The following MYOF variants were observed in gnomAD, a reference collection of about 807,000 sequenced individuals.
The protein encoded by MYOF is myoferlin.
Under a neutral mutation model 284.2 loss-of-function variants are expected in MYOF, and 244 were observed. The ratio of observed to expected loss-of-function variants is 0.86; its 90% CI spans 0.77 to 0.95. The LOEUF is 0.95. MYOF is among the 40% of genes least tolerant of loss of function. The pLI, the probability that MYOF is intolerant of heterozygous loss-of-function variation, is 0.00. For missense variants in MYOF, 2,496 were observed against 2,560.6 expected (o/e 0.97, Z 0.54); for synonymous variants, 904 against 919.7 (o/e 0.98, Z 0.31).
At chr10:93,316,044 G>A (rs1383541689) in intron 50 of MYOF, among the ~76,000 whole-genome samples, 3 of 151,982 alleles carry the variant, frequency 2.0e-5, no homozygotes, top group African/African-American at 4.8e-5. Context: ...AGGATTTCTC[G>A]AACCCAGGAG....
At chr10:93,470,083 G>A in intron 1 of MYOF, among the ~76,000 whole-genome samples, 1 of 151,762 alleles carries the variant, frequency 6.6e-6, no homozygotes, top group Non-Finnish European at 1.5e-5. Flanking sequence ...ACAAAAATTA[G>A]CCAAGCATGA....
At chr10:93,324,798 G>C (rs1011573533) in intron 46 of MYOF, among the ~76,000 whole-genome samples, 2 of 149,890 alleles carry the variant, frequency 1.3e-5, no homozygotes, top group Middle Eastern at 3.4e-3. Context: ...TTTTTTTTGT[G>C]AGACAGAGTC....
In MYOF at chr10:93,349,986, AAG is replaced by A. The variant is rs1844428658; in HGVS notation, c.3922-19_3922-18del. ...AGCTAGAATCTATGAAAACGATTTA[AAG>A]AGAGGGGAAGGTAACTCAGCACTTT... On this transcript the variant is annotated intron_variant, in intron 35 of 53. Coordinates refer to ENST00000359263, the MANE Select transcript of MYOF (RefSeq NM_013451.4). 8 of 1,609,898 alleles carry A rather than the reference AAG, an allele frequency of 5.0e-6. No individual in the cohort carries two copies. Among genetic ancestry groups the A allele is most frequent in the African/African-American group, 1.3e-5 (1 of 74,688 alleles).
At chr10:93,465,108 T>A (rs2134361379) in intron 1 of MYOF, among the ~76,000 whole-genome samples, 1 of 152,314 alleles carries the variant, frequency 6.6e-6, no homozygotes, top group African/African-American at 2.4e-5. Flanking sequence ...AGATAAATTC[T>A]ATTATGATCA....
In MYOF at chr10:93,337,865, C is replaced by A. The variant is rs757500620; in HGVS notation, c.4387G>T (p.Glu1463Ter). 62 of 1,613,928 alleles carry A rather than the reference C, an allele frequency of 3.8e-5. No individual in the cohort carries two copies. The highest frequency in any genetic ancestry group is 5.3e-5 in the Non-Finnish European group (62 of 1,180,004). Reference sequence around the variant, plus strand: ...ATATACTGTCCGCATTTTTCATGTTCCCCTGAGGAAGCATAAAATTTACTC... The same window carrying A: ...ATATACTGTCCGCATTTTTCATGTTACCCTGAGGAAGCATAAAATTTACTC... ...WWSKFYASSG[E>*]HEKCGQYIQK... Residue 1463 changes from glutamate (E) to a stop codon, truncating the protein, a stop_gained, in exon 40 of 54, where the codon GAA (glutamate) becomes TAA (stop). Coordinates refer to ENST00000359263, the MANE Select transcript of MYOF (RefSeq NM_013451.4). LOFTEE classifies it high-confidence loss of function.
At chr10:93,325,325 T>C (rs1589388757) in intron 46 of MYOF, among the ~76,000 whole-genome samples, 1 of 152,204 alleles carries the variant, frequency 6.6e-6, no homozygotes, top group Non-Finnish European at 1.5e-5. Flanking sequence ...CTCGCCTCCC[T>C]GATACTGTAG....
At chr10:93,404,126 G>A (rs56041929) in intron 8 of MYOF, 31 bp downstream of exon 8, 155,667 of 1,613,446 alleles carry the variant, frequency 0.096, 8,034 homozygotes, top group African/African-American at 0.13. Context: ...GGCAGTGAGT[G>A]AGCAGTACCT....
chr10:93,331,125 A>G (rs1394873334), intron 43 of MYOF, among the ~76,000 whole-genome samples: 2 of 152,126 alleles, frequency 1.3e-5, no homozygotes, highest in Admixed American at 6.5e-5. Context: ...ATCAATTAAT[A>G]TCCTGTGGAA....
chr10:93,470,496 G>T (rs2057120652), intron 1 of MYOF, among the ~76,000 whole-genome samples: 1 of 151,954 alleles, frequency 6.6e-6, no homozygotes, highest in Admixed American at 6.6e-5. Context: ...TGTCTCCCAG[G>T]TTCGAGCCAT....
chr10:93,363,097 C>CA (rs1845153728), intron 27 of MYOF, among the ~76,000 whole-genome samples: 3 of 152,102 alleles, frequency 2.0e-5, no homozygotes, highest in African/African-American at 7.2e-5. Flanking sequence ...AAACATTCTG[C>CA]AACCATTTTT....
intron 16 of MYOF, among the ~76,000 whole-genome samples, chr10:93,394,427 C>A (rs888387614): frequency 5.6e-5 from 7 of 124,340 alleles, no homozygotes; most frequent in African/African-American, 2.1e-4. Flanking sequence ...TGTACTATAT[C>A]TCCTTTGGTC....
chr10:93,325,766 AC>A, intron 46 of MYOF, 59 bp downstream of exon 46: 1 of 1,539,588 alleles, frequency 6.5e-7, no homozygotes, highest in Non-Finnish European at 8.8e-7. Context: ...AAAAATGTCA[AC>A]TACTGCCATT....
At chr10:93,321,412 CTTTTTT>C (rs35765868) in intron 48 of MYOF, among the ~76,000 whole-genome samples, 171 of 121,178 alleles carry the variant, frequency 1.4e-3, no homozygotes, top group African/African-American at 4.6e-3. Context: ...GACTATTAAC[CTTTTTT>C]TTTTTTTTTT....
intron 1 of MYOF, among the ~76,000 whole-genome samples, chr10:93,464,179 G>A (rs942773034): frequency 6.6e-6 from 1 of 152,174 alleles, no homozygotes; most frequent in South Asian, 2.1e-4. Context: ...TCTGCCTCTA[G>A]ACTCTAACAT....
Position 93,394,015 on chromosome 10 carries a change from T to TC in MYOF, c.1418-1061dup, listed in dbSNP as rs531671805. Among the ~76,000 whole-genome samples the TC allele has an allele frequency of 4.4e-3, 668 of 152,372 alleles. 2 individuals carry two copies. Among genetic ancestry groups the TC allele is most frequent in the African/African-American group, 0.015 (644 of 41,582 alleles). On this transcript the variant is annotated intron_variant, in intron 16 of 53. Transcript: ENST00000359263. ...TCCAGTGTTATAATCACTATGCTAC[T>TC]CAGCAGAGAACATTCAGATGGAATC...
intron 3 of MYOF, among the ~76,000 whole-genome samples, chr10:93,443,091 G>A (rs1385005575): frequency 6.9e-6 from 1 of 144,626 alleles, no homozygotes; most frequent in East Asian, 2.1e-4. Context: ...GAACCCGGAG[G>A]CGGAGGTTGC....
At chr10:93,402,032 A>G (rs1198488778) in intron 11 of MYOF, among the ~76,000 whole-genome samples, 200 bp downstream of exon 11, 1 of 152,224 alleles carries the variant, frequency 6.6e-6, no homozygotes, top group African/African-American at 2.4e-5. Flanking sequence ...ATGCTCACTC[A>G]TAGACATCAG....
At chr10:93,481,948 C>G (rs2057387710) in intron 1 of MYOF, among the ~76,000 whole-genome samples, 159 bp downstream of exon 1, 1 of 152,084 alleles carries the variant, frequency 6.6e-6, no homozygotes, top group African/African-American at 2.4e-5. Context: ...AAATGCCTTC[C>G]CCAGAAACGG....
rs375798180 is a variant in MYOF at position 93,377,710 on chromosome 10, GA to G, written c.2002-282del. On this transcript the variant is annotated intron_variant, in intron 21 of 53. Transcript: ENST00000359263. ...ACTATGTACACTTTGTTAAAAGGCAGAAAAAAAAAACCCATAAACATATTGA... is the reference window on the plus strand; with the variant it reads ...ACTATGTACACTTTGTTAAAAGGCAGAAAAAAAAACCCATAAACATATTGA... Among the ~76,000 whole-genome samples the G allele has an allele frequency of 4.2e-3, 621 of 147,302 alleles. 2 individuals are homozygous for G. Among genetic ancestry groups the G allele is most frequent in the African/African-American group, 0.013 (506 of 40,224 alleles).
Sources: allele counts gnomAD v4.1 joint callset (sites outside exome capture counted in the v4.1 genomes callset), GRCh38; gene constraint gnomAD v4.1.1; transcripts MANE v1.5; gene names NCBI Gene and HGNC (gene_info 2026-07-23, HGNC 2026-07-21).